Variants in UBE2F observed in about 807,000 individuals in gnomAD.
UBE2F encodes NEDD8-conjugating enzyme UBE2F.
UBE2F carries 5 observed loss-of-function variants against 29.6 expected under a neutral mutation model. The ratio of observed to expected loss-of-function variants is 0.17; its 90% CI spans 0.09 to 0.36. UBE2F has a LOEUF of 0.36. Among genes scored for constraint, UBE2F ranks in the 10% least tolerant of loss-of-function variants. UBE2F has a pLI of 1.00. For synonymous variants in UBE2F, 66 were observed against 81.8 expected (o/e 0.81, Z 1.04); for missense variants, 141 against 228.5 (o/e 0.62, Z 2.47).
rs913545781 is a variant in UBE2F at position 237,967,424 on chromosome 2, C to T, written c.-17+292C>T. 1.3e-4 allele frequency among the ~76,000 whole-genome samples: 20 copies of T among 151,698 alleles called. No homozygotes were observed. Among genetic ancestry groups the T allele is most frequent in the Admixed American group, 1.0e-3 (16 of 15,242 alleles). On this transcript the variant is annotated intron_variant, in intron 1 of 9. Coordinates refer to ENST00000272930, the MANE Select transcript of UBE2F (RefSeq NM_080678.3). The surrounding 1 kb of genome is among the most constrained non-coding windows in gnomAD (Gnocchi z 6.3). ...CCGCGGCGGCGGCGGCGGGGGACGG[C>T]CCGCGCCGAGCACCTGGTGTGAACC...
At chr2:237,972,494 A>G (rs919000726) in intron 1 of UBE2F, among the ~76,000 whole-genome samples, 2 of 151,456 alleles carry the variant, frequency 1.3e-5, no homozygotes, top group Non-Finnish European at 2.9e-5. Context: ...ACATCCCAGG[A>G]CCTGGCACCC....
At position 237,967,156 on chromosome 2, in the gene UBE2F, G is replaced by A; in HGVS notation, c.-17+24G>A. 2.5e-6 allele frequency: 3 copies of A among 1,200,672 alleles called. No homozygotes were observed. The highest frequency in any genetic ancestry group is 3.1e-6 in the Non-Finnish European group (3 of 968,008). The allele number at this position is 1,200,672 out of a possible 1,614,324, so 74.4% of individuals were successfully genotyped here. A position where few individuals can be genotyped will look rare whatever the true frequency, so the allele number is the denominator to read the frequency against. On this transcript the variant is annotated intron_variant, in intron 1 of 9. Transcript: ENST00000272930. This position sits in a 1 kb window ranked among gnomAD's most constrained non-coding sequence, Gnocchi z 6.3. ...AGGTGAGGAGCGACCGTGCGGCTCT[G>A]CGGCGGGGCGAGGTGCGGCCGCCGG...
rs141608160 is a variant in UBE2F at position 238,032,900 on chromosome 2, G to A, written c.444+646G>A. On this transcript the variant is annotated intron_variant, in intron 8 of 9. Transcript: ENST00000272930. ...TGAGGGGACTTTGGAGTGACATGTG[G>A]GGAGGTTGTCTGGGGCAGGGGCCAC... Among the ~76,000 whole-genome samples, 1,047 of 152,336 alleles carry A rather than the reference G, an allele frequency of 6.9e-3. 6 individuals are homozygous for A. Among genetic ancestry groups the A allele is most frequent in the Middle Eastern group, 0.017 (5 of 294 alleles).
chr2:237,977,292 C>G (rs1041171783), intron 2 of UBE2F, among the ~76,000 whole-genome samples: 1 of 152,182 alleles, frequency 6.6e-6, no homozygotes, highest in African/African-American at 2.4e-5. Context: ...TCCATCCTCC[C>G]CAGGCACTGG....
At chr2:238,024,266 G>A (rs2064363563) in intron 5 of UBE2F, among the ~76,000 whole-genome samples, 1 of 152,118 alleles carries the variant, frequency 6.6e-6, no homozygotes, top group Admixed American at 6.5e-5. Flanking sequence ...ATTTACGTAT[G>A]TTTCTTTTCA....
chr2:238,003,348 C>G lies in UBE2F; in HGVS notation c.214+8539C>G, dbSNP rs368686742. 1.3e-5 allele frequency: 6 copies of G among 470,946 alleles called. No individual in the cohort carries two copies. The East Asian group carries it at 2.8e-4, about 22-fold the overall frequency. The allele number at this position is 470,946 out of a possible 1,614,324, so 29.2% of individuals were successfully genotyped here. A position where few individuals can be genotyped will look rare whatever the true frequency, so the allele number is the denominator to read the frequency against. On this transcript the variant is annotated intron_variant, in intron 4 of 9. Transcript: ENST00000272930. ...TTTCATCAGGAAAACATTGACTGCT[C>G]TCTCCTTGCTCCTTCCAAGAATTTG...
chr2:238,008,945 A>G (rs1400922303), intron 4 of UBE2F, among the ~76,000 whole-genome samples: 3 of 152,224 alleles, frequency 2.0e-5, no homozygotes, highest in Admixed American at 6.5e-5. Context: ...CCTTCTGCCT[A>G]AAGAACATCC....
At chr2:238,006,872 C>T (rs973666137) in intron 4 of UBE2F, among the ~76,000 whole-genome samples, 12 of 151,628 alleles carry the variant, frequency 7.9e-5, no homozygotes, top group Non-Finnish European at 4.4e-5. Context: ...TCTCTTGCCT[C>T]AGCCTCCCAA....
intron 8 of UBE2F, among the ~76,000 whole-genome samples, chr2:238,033,171 C>T (rs2064625319): frequency 6.6e-6 from 1 of 152,184 alleles, no homozygotes; most frequent in African/African-American, 2.4e-5. Context: ...GAGTCCAGAA[C>T]CTCAGAGTTG....
intron 8 of UBE2F, among the ~76,000 whole-genome samples, chr2:238,034,963 G>T (rs1179530936): frequency 6.6e-6 from 1 of 152,068 alleles, no homozygotes; most frequent in Non-Finnish European, 1.5e-5. Flanking sequence ...CGCCATCTTG[G>T]CTCACTGCAA....
chr2:237,986,202 C>T (rs1333955442), intron 2 of UBE2F: 5 of 378,372 alleles, frequency 1.3e-5, no homozygotes, highest in African/African-American at 4.5e-5. Context: ...TGGTGTAGAG[C>T]GCAGTGGTGT....
At chr2:237,970,862 C>T (rs1027998578) in intron 1 of UBE2F, among the ~76,000 whole-genome samples, 3 of 152,186 alleles carry the variant, frequency 2.0e-5, no homozygotes, top group Admixed American at 1.3e-4. Context: ...GCACCCGCCA[C>T]CATGCCGAGC....
chr2:238,012,388 CTACCCTGAATAGT>C (rs1316676662), intron 4 of UBE2F, among the ~76,000 whole-genome samples: 4 of 152,186 alleles, frequency 2.6e-5, no homozygotes. Context: ...AAATGCTTTT[CTACCCTGAATAGT>C]TACATCTGTC....
chr2:237,995,110 A>G (rs143742559), intron 4 of UBE2F, among the ~76,000 whole-genome samples: 4 of 152,324 alleles, frequency 2.6e-5, no homozygotes, highest in East Asian at 1.9e-4. Context: ...GTGGGTTCCA[A>G]TCCTTTTCCC....
chr2:238,039,984 T>C (rs1167969341), intron 9 of UBE2F, among the ~76,000 whole-genome samples: 1 of 152,228 alleles, frequency 6.6e-6, no homozygotes, highest in African/African-American at 2.4e-5. Context: ...GCAGGGTTTC[T>C]GCACAGTCCC....
At chr2:238,023,269 A>G (rs1304447263) in intron 5 of UBE2F, among the ~76,000 whole-genome samples, 1 of 152,258 alleles carries the variant, frequency 6.6e-6, no homozygotes, top group African/African-American at 2.4e-5. Flanking sequence ...TAGAAGGGAA[A>G]GATGCAGTTC....
chr2:238,031,616 G>A (rs930874325), intron 7 of UBE2F, among the ~76,000 whole-genome samples: 1 of 152,254 alleles, frequency 6.6e-6, no homozygotes, highest in African/African-American at 2.4e-5. Flanking sequence ...TTGAGTTGAT[G>A]AAGAGGAAAA....
At chr2:237,992,742 A>G (rs1327070794) in intron 3 of UBE2F, among the ~76,000 whole-genome samples, 1 of 152,122 alleles carries the variant, frequency 6.6e-6, no homozygotes, top group Non-Finnish European at 1.5e-5. Flanking sequence ...GCCTCTCTAG[A>G]CCTTCTACTT....
At position 237,997,534 on chromosome 2, in the gene UBE2F, C is replaced by T. The variant is rs2063715409; in HGVS notation, c.214+2725C>T. Among the ~76,000 whole-genome samples, 3 of 152,270 alleles carry T rather than the reference C, an allele frequency of 2.0e-5. No individual in the cohort carries two copies. The South Asian group carries it at 6.2e-4, about 32-fold the overall frequency. The stretch of plus-strand genomic sequence containing the variant: ...TCCTCTTCATATTGAAAACAAATTA[C>T]AGTGATATGTCTAAGTTGTGAAGTT... On this transcript the variant is annotated intron_variant, in intron 4 of 9. Transcript: ENST00000272930.
Sources: gnomAD v4.1 joint callset for allele counts (sites outside exome capture counted in the v4.1 genomes callset) on GRCh38, gnomAD v4.1.1 for gene constraint, Gnocchi (gnomAD v3.1) non-coding constraint, MANE v1.5 for transcripts, NCBI Gene and HGNC (gene_info 2026-07-23, HGNC 2026-07-21) for gene names.